The following IRGM variants were observed in gnomAD, a reference collection of about 807,000 sequenced individuals.
IRGM encodes immunity-related GTPase family M protein.
For missense variants in IRGM, 288 were observed against 219.9 expected (o/e 1.31, Z -1.96); for synonymous variants, 98 against 80.6 (o/e 1.22, Z -1.16).
At chr5:150,874,628 T>C (rs1019742148) in intron 1 of IRGM, among the ~76,000 whole-genome samples, 4 of 152,156 alleles carry the variant, frequency 2.6e-5, no homozygotes, top group Non-Finnish European at 5.9e-5. Flanking sequence ...TTGAGTGAGG[T>C]CCAGAACAGG....
At chr5:150,894,812 T>C (rs12653571) in intron 3 of IRGM, 6,728 of 152,342 alleles carry the variant, frequency 0.044, 194 homozygotes, top group East Asian at 0.16. Context: ...AGTTCCCAGT[T>C]GGGAAGAGTA....
At chr5:150,872,233 A>C (rs1024095703) in intron 1 of IRGM, among the ~76,000 whole-genome samples, 2 of 152,188 alleles carry the variant, frequency 1.3e-5, no homozygotes, top group African/African-American at 4.8e-5. Context: ...GGGACACTGA[A>C]TTTGTAAATT....
At chr5:150,889,769 C>A (rs934732905) in intron 3 of IRGM, among the ~76,000 whole-genome samples, 1 of 151,916 alleles carries the variant, frequency 6.6e-6, no homozygotes, top group African/African-American at 2.4e-5. Context: ...TTGTCAAATA[C>A]TTTTTTTCAT....
At chr5:150,874,158 C>T (rs1233457080) in intron 1 of IRGM, among the ~76,000 whole-genome samples, 1 of 152,210 alleles carries the variant, frequency 6.6e-6, no homozygotes, top group Non-Finnish European at 1.5e-5. Context: ...AGCAATTTGC[C>T]TTCAGCTAGC....
chr5:150,894,741 G>A (rs528741343), intron 3 of IRGM: 4 of 152,290 alleles, frequency 2.6e-5, no homozygotes, highest in African/African-American at 7.2e-5. Context: ...AATCTGTGAG[G>A]CACTGAGCCA....
intron 3 of IRGM, among the ~76,000 whole-genome samples, chr5:150,883,214 C>A (rs1316370751): frequency 6.6e-6 from 1 of 151,882 alleles, no homozygotes; most frequent in Non-Finnish European, 1.5e-5. Flanking sequence ...GCAGGAAAAG[C>A]AGTTCTTTTT....
chr5:150,849,937 A>G (rs1266933721), downstream of IRGM, among the ~76,000 whole-genome samples: 5 of 152,160 alleles, frequency 3.3e-5, no homozygotes, highest in Non-Finnish European at 7.4e-5. Flanking sequence ...CATGCTAGAT[A>G]AGGATACAGA....
intron 1 of IRGM, among the ~76,000 whole-genome samples, chr5:150,864,787 A>G (rs1426827332): frequency 1.3e-5 from 2 of 152,212 alleles, no homozygotes; most frequent in African/African-American, 4.8e-5. Context: ...TGTAAATGCA[A>G]TTTCAATGGG....
chr5:150,860,826 G>A (rs1421164102), intron 1 of IRGM, among the ~76,000 whole-genome samples: 3 of 152,168 alleles, frequency 2.0e-5, no homozygotes, highest in African/African-American at 7.2e-5. Context: ...GACTTTTTAT[G>A]TTAACTTAGT....
At position 150,848,522 on chromosome 5, in the gene IRGM, C is replaced by G. The variant is rs778813638; in HGVS notation, c.399C>G (p.Thr133=). The G allele has an allele frequency of 2.1e-4, 330 of 1,551,688 alleles. 1 individual carries two copies. Among genetic ancestry groups the G allele is most frequent in the Non-Finnish European group, 2.7e-4 (311 of 1,146,988 alleles). ...FSMNHVMLAK[T]AEDMGKKFYI... is the part of the protein sequence containing the mutation. Reference sequence around the variant, plus strand: ...TGAATCATGTGATGCTTGCCAAAACCGCTGAGGACATGGGAAAGAAGTTCT... The same window carrying G: ...TGAATCATGTGATGCTTGCCAAAACGGCTGAGGACATGGGAAAGAAGTTCT... Residue 133 remains threonine (T), a synonymous_variant, in exon 2 of 2, where the codon ACC becomes ACG. Transcript: ENST00000522154.
In IRGM at chr5:150,899,459, CAG is replaced by C. The variant is rs1754918735; in HGVS notation, c.*141-1127_*141-1126del. The stretch of plus-strand genomic sequence containing the variant: ...CTACATTTAGAGAATCATAGAATGT[CAG>C]AGCTCTAGAAGATCATTAATCTAAT... On this transcript the variant is annotated intron_variant and NMD_transcript_variant, in intron 3 of 3. Transcript: ENST00000520549. Among the ~76,000 whole-genome samples the C allele has an allele frequency of 3.3e-5, 5 of 151,862 alleles. No homozygotes were observed. The South Asian group carries it at 1.0e-3, about 32-fold the overall frequency.
At chr5:150,894,130 C>G (rs918187013) in intron 3 of IRGM, among the ~76,000 whole-genome samples, 2 of 152,032 alleles carry the variant, frequency 1.3e-5, no homozygotes, top group Non-Finnish European at 2.9e-5. Flanking sequence ...GAAATATGTG[C>G]AGATGCTGTG....
At chr5:150,893,235 C>A (rs1754644841) in intron 3 of IRGM, among the ~76,000 whole-genome samples, 2 of 152,148 alleles carry the variant, frequency 1.3e-5, no homozygotes, top group South Asian at 4.1e-4. Context: ...CCAACTTTGT[C>A]ATAATTCAAG....
chr5:150,882,109 G>A (rs762285440), intron 3 of IRGM, among the ~76,000 whole-genome samples: 2 of 151,942 alleles, frequency 1.3e-5, no homozygotes. Context: ...CTGAGTCTGG[G>A]AAGTTGAGGC....
chr5:150,865,905 C>T (rs751062930), intron 1 of IRGM, among the ~76,000 whole-genome samples: 6 of 152,060 alleles, frequency 3.9e-5, no homozygotes, highest in East Asian at 1.9e-4. Flanking sequence ...CACAGGCACG[C>T]ACCACCATGC....
At chr5:150,895,506 T>C in intron 3 of IRGM, 4 of 1,613,544 alleles carry the variant, frequency 2.5e-6, no homozygotes, top group South Asian at 2.2e-5. Flanking sequence ...TATAGCACAT[T>C]GATAGGGTCT....
intron 3 of IRGM, among the ~76,000 whole-genome samples, chr5:150,880,433 A>T (rs1367747003): frequency 6.6e-6 from 1 of 152,220 alleles, no homozygotes; most frequent in Non-Finnish European, 1.5e-5. Context: ...AGTTTTCTAG[A>T]AACATCCTAA....
At chr5:150,852,943 T>C (rs571027543), downstream of IRGM, among the ~76,000 whole-genome samples, 9 of 152,268 alleles carry the variant, frequency 5.9e-5, no homozygotes, top group Admixed American at 1.3e-4. Context: ...AAATGAATTA[T>C]GGTAATCTTT....
intron 3 of IRGM, chr5:150,879,769 A>G (rs573760995): frequency 6.6e-6 from 1 of 152,376 alleles, no homozygotes; most frequent in African/African-American, 2.4e-5. Flanking sequence ...GGGGTAGGCC[A>G]AGGCATGAGA....
Sources: allele counts gnomAD v4.1 joint callset (sites outside exome capture counted in the v4.1 genomes callset), GRCh38; gene constraint gnomAD v4.1.1; transcripts MANE v1.5; gene names NCBI Gene and HGNC (gene_info 2026-07-23, HGNC 2026-07-21).